Variants in CEP164 observed in about 807,000 individuals in gnomAD.
CEP164 encodes the protein centrosomal protein of 164 kDa.
CEP164 carries 162 observed loss-of-function variants against 182.7 expected under a neutral mutation model. The observed-to-expected ratio is 0.89, with a 90% confidence interval of 0.78 to 1.01. The LOEUF (loss-of-function observed/expected upper bound fraction) is 1.01. CEP164 is among the 50% of genes least tolerant of loss of function. The pLI, the probability that CEP164 is intolerant of heterozygous loss-of-function variation, is 0.00. For synonymous variants in CEP164, 661 were observed against 690.0 expected, an observed-to-expected ratio of 0.96 and a Z score of 0.66; for missense variants, 1,735 against 1,790.4, an observed-to-expected ratio of 0.97 and a Z score of 0.56.
rs1420697324 is a variant in CEP164 at position 117,381,781 on chromosome 11, G to T, written c.1490G>T (p.Gly497Val). The change falls in exon 13 of 33, where the codon GGC (glycine) becomes GTC (valine). Residue 497 changes from glycine to valine, a missense_variant. Gly to Val is a moderately radical substitution (Grantham distance 109, BLOSUM62 -3). Coordinates refer to ENST00000278935, the MANE Select transcript of CEP164 (RefSeq NM_014956.5). ...GCCACTGAAGAAGAGCCTCCCCAGGGCCCCGAGGGGCAGCCCGAGTGGAAG... is the reference window on the plus strand; with the variant it reads ...GCCACTGAAGAAGAGCCTCCCCAGGTCCCCGAGGGGCAGCCCGAGTGGAAG... ...SLATEEEPPQGPEGQPEWKEA... is the reference protein window; with the variant it reads ...SLATEEEPPQVPEGQPEWKEA... The T allele has an allele frequency of 6.3e-7, 1 of 1,591,808 alleles. No homozygotes were observed. Among genetic ancestry groups the T allele is most frequent in the Admixed American group, 1.7e-5 (1 of 57,344 alleles).
At chr11:117,406,862 G>A (rs766611062) in intron 27 of CEP164, among the ~76,000 whole-genome samples, 5 of 152,148 alleles carry the variant, frequency 3.3e-5, no homozygotes, top group Admixed American at 6.5e-5. Flanking sequence ...TTGGGAGGCC[G>A]GGGCGGGTGG....
At chr11:117,388,250 C>G (rs1284621570) in intron 15 of CEP164, among the ~76,000 whole-genome samples, 1 of 152,208 alleles carries the variant, frequency 6.6e-6, no homozygotes, top group African/African-American at 2.4e-5. Context: ...TCTCCCGAGG[C>G]CCCTGACTCC....
upstream of CEP164, among the ~76,000 whole-genome samples, chr11:117,326,035 C>T (rs988115205): frequency 2.0e-5 from 3 of 151,150 alleles, no homozygotes; most frequent in African/African-American, 4.9e-5. Context: ...CTCAGCCTCC[C>T]GAGTAGCTGG....
chr11:117,340,051 A>T (rs146682380), intron 3 of CEP164, among the ~76,000 whole-genome samples: 509 of 151,356 alleles, frequency 3.4e-3, no homozygotes, highest in African/African-American at 0.012. Flanking sequence ...TTTGAGATGG[A>T]GTTTCACTCT....
At chr11:117,380,781 GTGGCCGGCC>G in intron 12 of CEP164, 76 bp downstream of exon 12, 1 of 1,389,152 alleles carries the variant, frequency 7.2e-7, no homozygotes, top group Non-Finnish European at 9.9e-7. Context: ...CTTGGCTTTG[GTGGCCGGCC>G]TGGCTCAGTG....
intron 27 of CEP164, among the ~76,000 whole-genome samples, chr11:117,398,480 C>T (rs1463134115): frequency 2.0e-5 from 3 of 152,206 alleles, no homozygotes; most frequent in Admixed American, 6.5e-5. Context: ...TGTGTGGGGG[C>T]TCTGACCCCA....
intron 4 of CEP164, among the ~76,000 whole-genome samples, chr11:117,348,047 G>A (rs1183805106): frequency 6.6e-6 from 1 of 151,928 alleles, no homozygotes; most frequent in Non-Finnish European, 1.5e-5. Context: ...ATGACTCACG[G>A]CACCCTCTAC....
At chr11:117,336,309 C>T in intron 2 of CEP164, 1 of 1,513,824 alleles carries the variant, frequency 6.6e-7, no homozygotes, top group Non-Finnish European at 9.2e-7. Context: ...TATTCTGCAT[C>T]TTCTTGTCCG....
At chr11:117,330,177 A>T (rs1464394444) in intron 1 of CEP164, among the ~76,000 whole-genome samples, 1 of 151,988 alleles carries the variant, frequency 6.6e-6, no homozygotes, top group Non-Finnish European at 1.5e-5. Flanking sequence ...TCCTAAGATT[A>T]TTTGCCCTTA....
At chr11:117,329,454 T>C (rs1332586847) in intron 1 of CEP164, among the ~76,000 whole-genome samples, 1 of 152,162 alleles carries the variant, frequency 6.6e-6, no homozygotes, top group Non-Finnish European at 1.5e-5. Context: ...GTCAGAATGG[T>C]TAAGAGTTTG....
chr11:117,389,189 G>A (rs1456417412), intron 15 of CEP164, among the ~76,000 whole-genome samples: 2 of 152,204 alleles, frequency 1.3e-5, no homozygotes, highest in South Asian at 4.2e-4. Context: ...ATTGTCTTCC[G>A]AATCACGTTT....
chr11:117,382,896 G>C lies in CEP164; in HGVS notation c.1678G>C (p.Glu560Gln), dbSNP rs1407454278. The change falls in exon 14 of 33, where the codon GAG (glutamate) becomes CAG (glutamine). Residue 560 changes from glutamate to glutamine, a missense_variant. Physicochemically the swap from Glu to Gln is conservative, Grantham distance 29. Coordinates refer to ENST00000278935, the MANE Select transcript of CEP164 (RefSeq NM_014956.5). ...TGGGCAGGAAGAGGCAGAGGATCCT[G>C]AGGAGAAGGTGGCGGTCAGCCCCAC... is the stretch of plus-strand genomic sequence containing the variant. Reference protein sequence around the residue: ...GPGQEEAEDPEEKVAVSPTPP... With the variant: ...GPGQEEAEDPQEKVAVSPTPP... The C allele has an allele frequency of 6.2e-7, 1 of 1,613,730 alleles. No homozygotes were observed. Among genetic ancestry groups the C allele is most frequent in the Non-Finnish European group, 8.5e-7 (1 of 1,179,998 alleles).
chr11:117,388,764 T>G (rs970899818), intron 15 of CEP164, among the ~76,000 whole-genome samples: 12 of 114,336 alleles, frequency 1.0e-4, no homozygotes, highest in African/African-American at 3.9e-4. Flanking sequence ...TAATTCAAAT[T>G]TTCTCTCTTT....
At chr11:117,332,587 A>AT (rs1168516457) in intron 1 of CEP164, among the ~76,000 whole-genome samples, 1 of 152,226 alleles carries the variant, frequency 6.6e-6, no homozygotes, top group African/African-American at 2.4e-5. Flanking sequence ...CTCAAAAAGA[A>AT]AGAAAGAAAA....
Position 117,396,135 on chromosome 11 carries a change from T to G in CEP164, c.3171T>G (p.Phe1057Leu), listed in dbSNP as rs1332351943. 5 of 1,612,652 alleles carry G rather than the reference T, an allele frequency of 3.1e-6. No homozygotes were observed. Among genetic ancestry groups the G allele is most frequent in the South Asian group, 1.1e-5 (1 of 91,056 alleles). Residue 1057 changes from phenylalanine to leucine, a missense_variant, in exon 25 of 33, where the codon TTT becomes TTG. Physicochemically the swap from Phe to Leu is conservative, Grantham distance 22. Transcript: ENST00000278935. ...TVEENNASPH[F>L]EPDLHIEDLR... ...AGGAAAATAATGCTTCCCCACATTT[T>G]GAGCCAGATCTCCATATTGAGGACC...
chr11:117,400,307 G>A (rs1190468156), intron 27 of CEP164, among the ~76,000 whole-genome samples: 2 of 152,100 alleles, frequency 1.3e-5, no homozygotes, highest in South Asian at 2.1e-4. Flanking sequence ...GATGTGTGGC[G>A]CTATTTCTGA....
chr11:117,406,648 G>T (rs934298774), intron 27 of CEP164, among the ~76,000 whole-genome samples: 1 of 152,168 alleles, frequency 6.6e-6, no homozygotes, highest in African/African-American at 2.4e-5. Flanking sequence ...CTTAGCAAAA[G>T]GCTTTGAGTT....
At chr11:117,339,994 C>G (rs568981159) in intron 3 of CEP164, among the ~76,000 whole-genome samples, 1 of 152,024 alleles carries the variant, frequency 6.6e-6, no homozygotes, top group African/African-American at 2.4e-5. Flanking sequence ...TATTCAAGCT[C>G]TAGGGCCTGT....
At chr11:117,369,093 C>T (rs2041945677) in intron 8 of CEP164, among the ~76,000 whole-genome samples, 1 of 152,180 alleles carries the variant, frequency 6.6e-6, no homozygotes, top group African/African-American at 2.4e-5. Flanking sequence ...TCCTTGAGGG[C>T]AGGATCTATG....
Sources: gnomAD v4.1 joint callset for allele counts (sites outside exome capture counted in the v4.1 genomes callset) on GRCh38, gnomAD v4.1.1 for gene constraint, MANE v1.5 for transcripts, NCBI Gene and HGNC (gene_info 2026-07-23, HGNC 2026-07-21) for gene names.